The following CCT5 variants were observed in gnomAD, a reference collection of about 807,000 sequenced individuals.
CCT5 encodes the protein T-complex protein 1 subunit epsilon.
CCT5 carries 6 observed loss-of-function variants against 55.0 expected under a neutral mutation model. The ratio of observed to expected loss-of-function variants is 0.11; its 90% CI spans 0.06 to 0.22. CCT5 has a LOEUF of 0.22. CCT5 is among the 10% of genes least tolerant of loss of function. The probability of loss-of-function intolerance (pLI) is 1.00; values close to 1 mark genes in which losing one functional copy is unlikely to be tolerated. For missense variants in CCT5, 560 were observed against 694.6 expected (o/e 0.81, Z 2.18); for synonymous variants, 231 against 243.7 (o/e 0.95, Z 0.49).
chr5:10,254,865 C>T (rs1373021769), intron 3 of CCT5, 27 bp downstream of exon 3: 1 of 1,595,810 alleles, frequency 6.3e-7, no homozygotes, highest in Non-Finnish European at 8.6e-7. Flanking sequence ...CATCCTTTCT[C>T]ATTTAAGAGA....
intron 3 of CCT5, among the ~76,000 whole-genome samples, chr5:10,255,382 A>C (rs2077393505): frequency 6.6e-6 from 1 of 152,178 alleles, no homozygotes; most frequent in Admixed American, 6.5e-5. Flanking sequence ...GAAGATTTGA[A>C]ATCTTTAAAA....
At position 10,250,382 on chromosome 5, in the gene CCT5, C is replaced by T; in HGVS notation, c.42C>T (p.Arg14=). Residue 14 remains arginine, a synonymous_variant, in exon 1 of 11, where the codon CGC becomes CGT. Transcript: ENST00000280326. ...MGTLAFDEYG[R]PFLIIKDQDR... Reference sequence around the variant, plus strand: ...CCCTCGCCTTCGATGAATATGGGCGCCCTTTCCTCATCATCAAGGATCAGG... The same window carrying T: ...CCCTCGCCTTCGATGAATATGGGCGTCCTTTCCTCATCATCAAGGATCAGG... 1.2e-6 allele frequency: 2 copies of T among 1,614,140 alleles called. No homozygotes were observed. The highest frequency in any genetic ancestry group is 2.2e-5 in the South Asian group (2 of 91,084).
intron 1 of CCT5, chr5:10,250,647 G>T: frequency 7.0e-7 from 1 of 1,421,156 alleles, no homozygotes; most frequent in Non-Finnish European, 9.2e-7. Context: ...TCGGAATGTG[G>T]GGGCCAGCCA....
Position 10,258,468 on chromosome 5 carries a change from C to T in CCT5, c.806C>T (p.Thr269Ile), listed in dbSNP as rs989835897. 1 of 1,613,946 alleles carries T rather than the reference C, an allele frequency of 6.2e-7. No individual in the cohort carries two copies. The highest frequency in any genetic ancestry group is 8.5e-7 in the Non-Finnish European group (1 of 1,179,918). ...AAAACAAAGCATAAGCTGGATGTGA[C>T]CTCTGTCGAAGATTATAAAGCCCTT... is the stretch of plus-strand genomic sequence containing the variant. ...KPKTKHKLDV[T>I]SVEDYKALQK... Residue 269 changes from threonine (T) to isoleucine (I), a missense_variant, in exon 6 of 11, where the codon ACC becomes ATC. This residue lies in a region of CCT5 where 256 missense variants were observed against 372.4 expected (regional missense o/e 0.69). Transcript: ENST00000280326.
rs771793931 is a variant in CCT5, at chr5:10,263,219, T to C, written c.1403T>C (p.Met468Thr). The C allele has an allele frequency of 2.5e-6, 4 of 1,614,166 alleles. No individual in the cohort carries two copies. Among genetic ancestry groups the C allele is most frequent in the South Asian group, 1.1e-5 (1 of 91,082 alleles). ...IPMALSENSG[M>T]NPIQTMTEVR... ...ATGGCCCTCTCTGAAAACAGTGGCA[T>C]GAATCCCATCCAGACTATGACCGAA... is the stretch of plus-strand genomic sequence containing the variant. The change falls in exon 10 of 11, where the codon ATG becomes ACG. Residue 468 changes from methionine to threonine, a missense_variant. Met to Thr is a moderately conservative substitution (Grantham distance 81). Coordinates refer to ENST00000280326, the MANE Select transcript of CCT5 (RefSeq NM_012073.5).
intron 6 of CCT5, 142 bp from the exon 7 acceptor site, chr5:10,260,650 A>C: frequency 7.3e-5 from 58 of 794,334 alleles, no homozygotes; most frequent in Non-Finnish European, 9.8e-5. Context: ...ACACTTGTCT[A>C]TTTCCTTCCT....
At chr5:10,253,378 G>A (rs1745525350) in intron 1 of CCT5, among the ~76,000 whole-genome samples, 1 of 151,582 alleles carries the variant, frequency 6.6e-6, no homozygotes, top group Non-Finnish European at 1.5e-5. Context: ...ATAATTATTG[G>A]GATTTCAGGT....
At chr5:10,250,619 C>T in intron 1 of CCT5, 174 bp downstream of exon 1, 2 of 1,436,990 alleles carry the variant, frequency 1.4e-6, no homozygotes, top group South Asian at 1.5e-5. Context: ...CGGGAGACGC[C>T]GGCGCCTAAT....
Position 10,260,703 on chromosome 5 carries a change from C to G in CCT5, c.874-89C>G, listed in dbSNP as rs1745914132. 1.6e-5 allele frequency: 23 copies of G among 1,446,154 alleles called. No homozygotes were observed. The South Asian group carries it at 2.5e-4, about 16-fold the overall frequency. 89.6% of individuals were successfully genotyped at this position (1,446,154 alleles called of 1,614,324 possible). A position where few individuals can be genotyped will look rare whatever the true frequency, so the allele number is the denominator to read the frequency against. ...TGTGTTTGAGTGCACCTGCCTTACA[C>G]CCAACTGTGCCTCTCCTTTTTTCAA... On this transcript the variant is annotated intron_variant, in intron 6 of 10. Coordinates refer to ENST00000280326, the MANE Select transcript of CCT5 (RefSeq NM_012073.5).
In CCT5 at chr5:10,265,125, T is replaced by C; in HGVS notation, c.*342T>C. 1 of 275,446 alleles carries C rather than the reference T, an allele frequency of 3.6e-6. No homozygotes were observed. The highest frequency in any genetic ancestry group is 3.9e-5 in the South Asian group (1 of 25,826). The allele number at this position is 275,446 out of a possible 1,614,324, so 17.1% of individuals were successfully genotyped here. On this transcript the variant is annotated 3_prime_UTR_variant, in exon 11 of 11. Coordinates refer to ENST00000280326, the MANE Select transcript of CCT5 (RefSeq NM_012073.5). ...TTTTCTCAAAATAAGCTGTAGGGAC[T>C]ATTTTAACAGCTTAAACAGGAGCTC...
At chr5:10,249,933 AACCGG>A, upstream of CCT5, 2 of 518,218 alleles carry the variant, frequency 3.9e-6, no homozygotes, top group Non-Finnish European at 4.9e-6. Context: ...AAAAAAAAAA[AACCGG>A]AAATGGGTCC....
chr5:10,249,972 G>A (rs1328841190), upstream of CCT5: 1 of 1,529,564 alleles, frequency 6.5e-7, no homozygotes, highest in South Asian at 1.2e-5. Context: ...GAGCCGGAGT[G>A]CGAAGAAATA....
At chr5:10,255,878 A>G (rs1002947783) in intron 3 of CCT5, 77 bp from the exon 4 acceptor site, 2 of 1,249,938 alleles carry the variant, frequency 1.6e-6, no homozygotes, top group African/African-American at 2.9e-5. Context: ...CCATGATAGC[A>G]TCTAACTTGT....
chr5:10,250,409 C>T lies in CCT5; in HGVS notation c.69C>T (p.Asp23=), dbSNP rs776873105. 1.2e-6 allele frequency: 2 copies of T among 1,614,030 alleles called. No homozygotes were observed. Among genetic ancestry groups the T allele is most frequent in the East Asian group, 2.2e-5 (1 of 44,880 alleles). ...GRPFLIIKDQ[D]RKSRLMGLEA... The stretch of plus-strand genomic sequence containing the variant: ...CTTTCCTCATCATCAAGGATCAGGA[C>T]CGCAAGTCCCGTCTTATGGGACTTG... The change falls in exon 1 of 11, where the codon GAC becomes GAT. Residue 23 remains aspartate (D), a synonymous_variant. Coordinates refer to ENST00000280326, the MANE Select transcript of CCT5 (RefSeq NM_012073.5).
At position 10,264,842 on chromosome 5, in the gene CCT5, C is replaced by T. The variant is rs1027245765; in HGVS notation, c.*59C>T. On this transcript the variant is annotated 3_prime_UTR_variant, in exon 11 of 11. Transcript: ENST00000280326. ...TCTGTGATTAAGTAAATGGATGTCT[C>T]GTGATGCATCTACAGTTATTTATTG... is the stretch of plus-strand genomic sequence containing the variant. 1.1e-5 allele frequency: 18 copies of T among 1,602,986 alleles called. No individual in the cohort carries two copies. Among genetic ancestry groups the T allele is most frequent in the South Asian group, 6.6e-5 (6 of 90,534 alleles).
chr5:10,261,901 A>G (rs1030087457), intron 8 of CCT5, 156 bp downstream of exon 8: 5 of 728,522 alleles, frequency 6.9e-6, no homozygotes, highest in South Asian at 5.9e-5. Flanking sequence ...ACTGAAGACC[A>G]TGTTAAATTG....
Position 10,262,617 on chromosome 5 carries a change from A to C in CCT5, c.1316A>C (p.Lys439Thr), listed in dbSNP as rs768671276. 11 of 1,614,228 alleles carry C rather than the reference A, an allele frequency of 6.8e-6. No individual in the cohort carries two copies. In the Middle Eastern group the frequency reaches 4.9e-4, roughly 73 times the overall value. ...CTGGCAGTTAGCCAAGAGGCGGATA[A>C]GGTAAGGGATCTGTGCAGACTTAGT... ...CALAVSQEAD[K>T]CPTLEQYAMR... Residue 439 changes from lysine to threonine, a missense_variant and splice_region_variant, in exon 9 of 11, where the codon AAG becomes ACG. Lys to Thr is a moderately conservative substitution (Grantham distance 78). This residue lies in a region of CCT5 where 256 missense variants were observed against 372.4 expected (regional missense o/e 0.69). Coordinates refer to ENST00000280326, the MANE Select transcript of CCT5 (RefSeq NM_012073.5).
At chr5:10,260,630 A>AG (rs1397777503) in intron 6 of CCT5, among the ~76,000 whole-genome samples, 162 bp from the exon 7 acceptor site, 1 of 152,244 alleles carries the variant, frequency 6.6e-6, no homozygotes, top group African/African-American at 2.4e-5. Flanking sequence ...TGGAACTGAC[A>AG]GAAAAGTGGA....
At chr5:10,262,684 CG>C (rs751912699) in intron 9 of CCT5, 66 bp downstream of exon 9, 73 of 1,563,952 alleles carry the variant, frequency 4.7e-5, no homozygotes, top group Non-Finnish European at 6.1e-5. Context: ...TGTGAAGCTG[CG>C]GAACAGCGAG....
Sources: gnomAD v4.1 joint callset for allele counts (sites outside exome capture counted in the v4.1 genomes callset) on GRCh38, gnomAD v4.1.1 for gene constraint, gnomAD v4.1.1 regional missense constraint, MANE v1.5 for transcripts, NCBI Gene and HGNC (gene_info 2026-07-23, HGNC 2026-07-21) for gene names.